The following EPM2A variants were observed in gnomAD, a reference collection of about 807,000 sequenced individuals.
EPM2A encodes laforin.
EPM2A carries 21 observed loss-of-function variants against 26.5 expected under a neutral mutation model. That is an observed-to-expected ratio of 0.79 (90% CI 0.56 to 1.14). EPM2A has a LOEUF of 1.14. Among genes scored for constraint, EPM2A ranks in the 50% most tolerant of loss-of-function variants. The pLI is 0.00. For missense variants in EPM2A, 458 were observed against 440.8 expected, an observed-to-expected ratio of 1.04 and a Z score of -0.35; for synonymous variants, 217 against 177.6, an observed-to-expected ratio of 1.22 and a Z score of -1.76.
chr6:145,707,599 G>A (rs148480423), intron 1 of EPM2A, among the ~76,000 whole-genome samples: 59 of 152,258 alleles, frequency 3.9e-4, no homozygotes, highest in African/African-American at 1.4e-3. Flanking sequence ...TTATAAAAGG[G>A]TATACCCTTG....
At chr6:145,403,076 T>A (rs1414841766) in intron 4 of EPM2A, among the ~76,000 whole-genome samples, 2 of 152,152 alleles carry the variant, frequency 1.3e-5, no homozygotes, top group Non-Finnish European at 2.9e-5. Context: ...TTGTATTTTG[T>A]TATTTTTAAA....
At chr6:145,415,749 C>T (rs1420171161) in intron 4 of EPM2A, among the ~76,000 whole-genome samples, 1 of 152,184 alleles carries the variant, frequency 6.6e-6, no homozygotes, top group African/African-American at 2.4e-5. Context: ...CTTTGTTCCT[C>T]ACTCTTCAGA....
Position 145,627,631 on chromosome 6 carries a change from T to C in EPM2A, c.781A>G (p.Ile261Val), listed in dbSNP as rs1775920195. The C allele has an allele frequency of 4.3e-6, 7 of 1,614,192 alleles. No individual in the cohort carries two copies. The highest frequency in any genetic ancestry group is 5.9e-6 in the Non-Finnish European group (7 of 1,180,032). Residue 261 changes from isoleucine (I) to valine (V), a missense_variant, in exon 4 of 4, where the codon ATC (isoleucine) becomes GTC (valine). Coordinates refer to ENST00000367519, the MANE Select transcript of EPM2A (RefSeq NM_005670.4). ...LLHALLEKGH[I>V]VYVHCNAGVG... The stretch of plus-strand genomic sequence containing the variant: ...CCAGCGTTGCAGTGCACGTACACGA[T>C]GTGTCCCTTCTCCAGCAGCGCATGC...
At chr6:145,539,921 C>T (rs1780483879) in intron 2 of EPM2A, among the ~76,000 whole-genome samples, 1 of 152,146 alleles carries the variant, frequency 6.6e-6, no homozygotes, top group South Asian at 2.1e-4. Flanking sequence ...CACTATCCAC[C>T]CACCTTAAAC....
chr6:145,392,290 G>A (rs1015914969), intron 4 of EPM2A, among the ~76,000 whole-genome samples: 6 of 152,078 alleles, frequency 3.9e-5, no homozygotes, highest in Non-Finnish European at 5.9e-5. Context: ...AGTCTCCGAT[G>A]GCCTCCTCAA....
chr6:145,502,400 G>A (rs1439365934), intron 3 of EPM2A: 1 of 375,400 alleles, frequency 2.7e-6, no homozygotes, highest in Non-Finnish European at 5.4e-6. Context: ...TCATCTCGAA[G>A]TGAGCCATAG....
chr6:145,432,890 T>C (rs928813343), intron 4 of EPM2A, among the ~76,000 whole-genome samples: 1 of 152,214 alleles, frequency 6.6e-6, no homozygotes, highest in Non-Finnish European at 1.5e-5. Context: ...ATTGCTTTTT[T>C]ACCTTGTACT....
chr6:145,651,533 C>T (rs764644196), intron 2 of EPM2A, among the ~76,000 whole-genome samples: 8 of 152,286 alleles, frequency 5.3e-5, no homozygotes, highest in Admixed American at 2.0e-4. Flanking sequence ...TACTTAGCAA[C>T]GCACAGTGTT....
At chr6:145,683,313 G>A (rs201143425) in intron 2 of EPM2A, among the ~76,000 whole-genome samples, 16 of 147,422 alleles carry the variant, frequency 1.1e-4, no homozygotes, top group South Asian at 2.2e-4. Context: ...GTGTGAGTGT[G>A]TATATATTAG....
intron 2 of EPM2A, among the ~76,000 whole-genome samples, chr6:145,507,276 A>T (rs1779989453): frequency 6.6e-6 from 1 of 152,208 alleles, no homozygotes; most frequent in Admixed American, 6.5e-5. Context: ...ACAGCAAAAT[A>T]GTGTGTAAAA....
chr6:145,452,043 C>T (rs1779201696), intron 4 of EPM2A, among the ~76,000 whole-genome samples: 1 of 152,096 alleles, frequency 6.6e-6, no homozygotes, highest in African/African-American at 2.4e-5. Context: ...CAGTACAGCC[C>T]TTCGTTCTTC....
At chr6:145,419,793 C>T (rs1405215279) in intron 4 of EPM2A, among the ~76,000 whole-genome samples, 1 of 151,816 alleles carries the variant, frequency 6.6e-6, no homozygotes, top group Non-Finnish European at 1.5e-5. Context: ...GTAAAAAAAC[C>T]ATTCTGAATA....
intron 2 of EPM2A, among the ~76,000 whole-genome samples, chr6:145,537,576 A>G (rs1453066296): frequency 2.1e-5 from 3 of 142,824 alleles, no homozygotes; most frequent in African/African-American, 7.8e-5. Flanking sequence ...GTTGTCCTAC[A>G]AGAGGTTTTT....
At chr6:145,685,534 A>C (rs1780843223) in intron 2 of EPM2A, among the ~76,000 whole-genome samples, 1 of 152,184 alleles carries the variant, frequency 6.6e-6, no homozygotes, top group African/African-American at 2.4e-5. Flanking sequence ...ATTTAATCTC[A>C]AGAAAAACTA....
intron 4 of EPM2A, among the ~76,000 whole-genome samples, chr6:145,421,832 G>A (rs1778788424): frequency 6.6e-6 from 1 of 151,254 alleles, no homozygotes; most frequent in East Asian, 1.9e-4. Context: ...CTGAAAAATA[G>A]TAAACCAAAT....
chr6:145,393,047 G>A (rs1481594010), intron 4 of EPM2A, among the ~76,000 whole-genome samples: 1 of 151,936 alleles, frequency 6.6e-6, no homozygotes, highest in Non-Finnish European at 1.5e-5. Context: ...TGATGATAAT[G>A]CCAAGCTTTC....
chr6:145,457,995 A>G (rs1779283039), intron 4 of EPM2A, among the ~76,000 whole-genome samples: 1 of 152,244 alleles, frequency 6.6e-6, no homozygotes. Context: ...AAAATGAAAT[A>G]TTCAAAATAT....
At chr6:145,717,302 T>G (rs373917234) in intron 1 of EPM2A, among the ~76,000 whole-genome samples, 7 of 152,190 alleles carry the variant, frequency 4.6e-5, no homozygotes, top group East Asian at 1.9e-4. Flanking sequence ...GGGATGCAAG[T>G]CTGGTTCAAT....
intron 2 of EPM2A, among the ~76,000 whole-genome samples, chr6:145,552,058 A>G (rs1780662641): frequency 6.6e-6 from 1 of 151,988 alleles, no homozygotes; most frequent in Admixed American, 6.6e-5. Context: ...TAACTAGAGC[A>G]CACCTATGAA....
Sources: allele counts gnomAD v4.1 joint callset (sites outside exome capture counted in the v4.1 genomes callset), GRCh38; gene constraint gnomAD v4.1.1; transcripts MANE v1.5; gene names NCBI Gene and HGNC (gene_info 2026-07-23, HGNC 2026-07-21).